The following FAM171A1 variants were observed in gnomAD, a reference collection of about 807,000 sequenced individuals.
The protein encoded by FAM171A1 is protein FAM171A1.
In FAM171A1, 23 loss-of-function variants were observed where a neutral mutation model predicts 74.9. The observed-to-expected ratio is 0.31, with a 90% CI of 0.22 to 0.44. The LOEUF is 0.44. FAM171A1 is among the 20% of genes least tolerant of loss of function. The pLI, the probability that FAM171A1 is intolerant of heterozygous loss-of-function variation, is 1.00. For missense variants in FAM171A1, 1,162 were observed against 1,159.2 expected, an observed-to-expected ratio of 1.00 and a Z score of -0.03; for synonymous variants, 527 against 505.7, an observed-to-expected ratio of 1.04 and a Z score of -0.57.
rs1023492804 is a variant in FAM171A1 at position 15,213,702 on chromosome 10, G to A, written c.1886C>T (p.Pro629Leu). 4.3e-6 allele frequency: 7 copies of A among 1,611,902 alleles called. No homozygotes were observed. The Admixed American group carries it at 5.0e-5, about 12-fold the overall frequency. Residue 629 changes from proline to leucine, a missense_variant, in exon 8 of 8, where the codon CCG becomes CTG. Transcript: ENST00000378116. This position sits in a 1 kb window ranked among gnomAD's most constrained non-coding sequence, Gnocchi z 6.8. ...GGGCTGGGGCTGGATCTGTGAGGACGGGTGTGGGAAGATCCCGGCATGGGG... is the reference window on the plus strand; with the variant it reads ...GGGCTGGGGCTGGATCTGTGAGGACAGGTGTGGGAAGATCCCGGCATGGGG... ...SNPHAGIFPH[P>L]SSQIQPQPLS...
chr10:15,267,809 G>A (rs903617046), intron 3 of FAM171A1, among the ~76,000 whole-genome samples: 4 of 152,076 alleles, frequency 2.6e-5, no homozygotes, highest in Non-Finnish European at 5.9e-5. Context: ...GAGCGGTGAG[G>A]AGGCTGGACA....
At chr10:15,236,295 A>AT (rs1250887903) in intron 5 of FAM171A1, among the ~76,000 whole-genome samples, 3 of 151,856 alleles carry the variant, frequency 2.0e-5, no homozygotes, top group Admixed American at 1.3e-4. Context: ...CAAAAAAAAA[A>AT]AAAAAATCAC....
intron 2 of FAM171A1, among the ~76,000 whole-genome samples, chr10:15,279,239 C>A (rs1387693923): frequency 2.0e-5 from 3 of 152,232 alleles, no homozygotes; most frequent in Non-Finnish European, 4.4e-5. Context: ...GCTGCTCTGG[C>A]AAATTGTTTC....
intron 5 of FAM171A1, among the ~76,000 whole-genome samples, chr10:15,227,595 G>A (rs1037643303): frequency 1.3e-5 from 2 of 151,980 alleles, no homozygotes; most frequent in Admixed American, 1.3e-4. Context: ...TGCCCAGGAT[G>A]GTCTTGAACT....
In FAM171A1 at chr10:15,251,187, T is replaced by C. The variant is rs542174250; in HGVS notation, c.578-2372A>G. Among the ~76,000 whole-genome samples the C allele has an allele frequency of 3.3e-5, 5 of 152,280 alleles. No individual in the cohort carries two copies. In the South Asian group the frequency reaches 8.3e-4, roughly 25 times the overall value. On this transcript the variant is annotated intron_variant, in intron 4 of 7. Transcript: ENST00000378116. ...GAAACATTCAGAAGTAAGTAGAGCA[T>C]TGCAGAAACGAGCATATTAATGGAC...
In FAM171A1 at chr10:15,316,977, G is replaced by A. The variant is rs572783284; in HGVS notation, c.98-32872C>T. Among the ~76,000 whole-genome samples, 7 of 151,992 alleles carry A rather than the reference G, an allele frequency of 4.6e-5. No homozygotes were observed. In the East Asian group the frequency reaches 1.4e-3, roughly 29 times the overall value. On this transcript the variant is annotated intron_variant, in intron 1 of 7. Coordinates refer to ENST00000378116, the MANE Select transcript of FAM171A1 (RefSeq NM_001010924.2). ...GGGTCCGGGTGATGCAAGGACTGAA[G>A]AGTTCACCAGCACTGGAGCTGCCCC...
chr10:15,370,973 G>T lies in FAM171A1; in HGVS notation c.80C>A (p.Pro27His). The T allele has an allele frequency of 8.5e-7, 1 of 1,180,178 alleles. No individual in the cohort carries two copies. The highest frequency in any genetic ancestry group is 1.1e-6 in the Non-Finnish European group (1 of 932,746). 73.1% of individuals were successfully genotyped at this position (1,180,178 alleles called of 1,614,324 possible). ...WKAVTKTLRE[P>H]GAGAQEVTLK... The stretch of plus-strand genomic sequence containing the variant: ...CCACTGACCTTGGGCTCCGGCGCCG[G>T]GCTCCCGCAGCGTCTTGGTCACCGC... The change falls in exon 1 of 8, where the codon CCC becomes CAC. Residue 27 changes from proline (P) to histidine (H), a missense_variant. Coordinates refer to ENST00000378116, the MANE Select transcript of FAM171A1 (RefSeq NM_001010924.2).
intron 1 of FAM171A1, among the ~76,000 whole-genome samples, chr10:15,340,275 A>AT (rs1178019001): frequency 6.6e-6 from 1 of 151,978 alleles, no homozygotes; most frequent in Non-Finnish European, 1.5e-5. Flanking sequence ...GGATGAAGGG[A>AT]TTTTGTTGTT....
At chr10:15,332,171 G>T (rs1835647264) in intron 1 of FAM171A1, among the ~76,000 whole-genome samples, 1 of 151,826 alleles carries the variant, frequency 6.6e-6, no homozygotes, top group Non-Finnish European at 1.5e-5. Flanking sequence ...GCCCAGGTTG[G>T]TCTCGAACTC....
chr10:15,250,639 A>C (rs1208843601), intron 4 of FAM171A1, among the ~76,000 whole-genome samples: 1 of 152,216 alleles, frequency 6.6e-6, no homozygotes, highest in Admixed American at 6.5e-5. Flanking sequence ...GCATGCCTAC[A>C]GTTCCAGCTA....
chr10:15,337,209 G>A (rs183888587), intron 1 of FAM171A1, among the ~76,000 whole-genome samples: 99 of 152,162 alleles, frequency 6.5e-4, no homozygotes, highest in African/African-American at 1.8e-3. Context: ...AATAATTCAG[G>A]TCTGTGTTTC....
rs1427947618 is a variant in FAM171A1, at chr10:15,308,392, CTG to C, written c.98-24289_98-24288del. ...GTAAATAGACAAACATCTGCTAACACTGAGTTTTCAAAAGCAGAAAGTTTTTA... is the reference window on the plus strand; with the variant it reads ...GTAAATAGACAAACATCTGCTAACACAGTTTTCAAAAGCAGAAAGTTTTTA... On this transcript the variant is annotated intron_variant, in intron 1 of 7. Transcript: ENST00000378116. Among the ~76,000 whole-genome samples, 3 of 152,340 alleles carry C rather than the reference CTG, an allele frequency of 2.0e-5. No homozygotes were observed. In the East Asian group the frequency reaches 5.8e-4, roughly 29 times the overall value.
chr10:15,364,054 TG>T (rs1294803468), intron 1 of FAM171A1, among the ~76,000 whole-genome samples: 6 of 65,682 alleles, frequency 9.1e-5, no homozygotes, highest in Admixed American at 3.6e-4. Context: ...GGGTGGAGGG[TG>T]GGGGGGCGGT....
At chr10:15,354,369 G>A (rs1835910363) in intron 1 of FAM171A1, among the ~76,000 whole-genome samples, 1 of 152,054 alleles carries the variant, frequency 6.6e-6, no homozygotes, top group South Asian at 2.1e-4. Flanking sequence ...TGTGGCACTT[G>A]CCTGTAGTCT....
intron 3 of FAM171A1, among the ~76,000 whole-genome samples, chr10:15,273,434 C>G (rs193238590): frequency 1.3e-5 from 2 of 152,078 alleles, no homozygotes; most frequent in Non-Finnish European, 2.9e-5. Context: ...CAGGACCAGA[C>G]GAATTCACAG....
chr10:15,321,047 T>C (rs1297042280), intron 1 of FAM171A1, among the ~76,000 whole-genome samples: 2 of 152,212 alleles, frequency 1.3e-5, no homozygotes, highest in Admixed American at 6.5e-5. Flanking sequence ...TGTTGGCTTA[T>C]TTGACATCTG....
chr10:15,216,139 T>A, intron 6 of FAM171A1, 29 bp from the exon 7 acceptor site: 1 of 1,405,930 alleles, frequency 7.1e-7, no homozygotes, highest in South Asian at 1.3e-5. Context: ...GCATTTAGAG[T>A]TTTGAACACC....
rs1167151222 is a variant in FAM171A1 at position 15,214,148 on chromosome 10, C to T, written c.1440G>A (p.Ser480=). The T allele has an allele frequency of 5.6e-6, 9 of 1,613,992 alleles. No homozygotes were observed. The highest frequency in any genetic ancestry group is 2.2e-5 in the East Asian group (1 of 44,890). The change falls in exon 8 of 8, where the codon TCG becomes TCA. Residue 480 remains serine, a synonymous_variant. Transcript: ENST00000378116. The part of the protein sequence containing the change: ...KSMEREGYES[S]GNDDYRGSYN... ...AACTACCCCTGTAGTCATCATTGCC[C>T]GAGGACTCGTAGCCTTCTCTTTCCA...
At chr10:15,324,354 T>C (rs535841802) in intron 1 of FAM171A1, among the ~76,000 whole-genome samples, 2 of 152,212 alleles carry the variant, frequency 1.3e-5, no homozygotes, top group East Asian at 3.9e-4. Context: ...CCTTCCCCCA[T>C]CCTCAAATGA....
Sources: allele counts gnomAD v4.1 joint callset (sites outside exome capture counted in the v4.1 genomes callset), GRCh38; gene constraint gnomAD v4.1.1; non-coding constraint Gnocchi (gnomAD v3.1); transcripts MANE v1.5; gene names NCBI Gene and HGNC (gene_info 2026-07-23, HGNC 2026-07-21).